The following TTLL5 variants were observed in gnomAD, a reference collection of about 807,000 sequenced individuals.
TTLL5 encodes tubulin polyglutamylase TTLL5.
Under a neutral mutation model 168.4 loss-of-function variants are expected in TTLL5, and 132 were observed. The observed-to-expected ratio is 0.78, with a 90% CI of 0.68 to 0.91. The LOEUF (loss-of-function observed/expected upper bound fraction) is 0.91. Among genes scored for constraint, TTLL5 ranks in the 40% least tolerant of loss-of-function variants. The pLI is 0.00. For synonymous variants in TTLL5, 546 were observed against 558.6 expected (o/e 0.98, Z 0.32); for missense variants, 1,545 against 1,581.5 (o/e 0.98, Z 0.39).
At chr14:75,713,085 C>T (rs1215343617) in intron 9 of TTLL5, among the ~76,000 whole-genome samples, 2 of 152,150 alleles carry the variant, frequency 1.3e-5, no homozygotes, top group Non-Finnish European at 2.9e-5. Flanking sequence ...GAGGGAGATA[C>T]AAGACTGACT....
Position 75,779,718 on chromosome 14 carries a change from A to G in TTLL5, c.2515+16A>G. Reference sequence around the variant, plus strand: ...GCAAAAGGTGGTAAGTATACTGGTTAATGAACGAAAAATAAGAAGAACAAG... The same window carrying G: ...GCAAAAGGTGGTAAGTATACTGGTTGATGAACGAAAAATAAGAAGAACAAG... On this transcript the variant is annotated intron_variant, in intron 24 of 31. Coordinates refer to ENST00000298832, the MANE Select transcript of TTLL5 (RefSeq NM_015072.5). 1.3e-6 allele frequency: 2 copies of G among 1,582,564 alleles called. No individual in the cohort carries two copies. The highest frequency in any genetic ancestry group is 1.7e-6 in the Non-Finnish European group (2 of 1,168,562).
intron 5 of TTLL5, among the ~76,000 whole-genome samples, chr14:75,688,089 A>G (rs1274151043): frequency 6.6e-6 from 1 of 152,160 alleles, no homozygotes; most frequent in Non-Finnish European, 1.5e-5. Context: ...GAATCTCCAG[A>G]GTGAGAAGTG....
chr14:75,709,481 C>T (rs1452301234), intron 9 of TTLL5: 1 of 371,392 alleles, frequency 2.7e-6, no homozygotes, highest in Non-Finnish European at 5.1e-6. Flanking sequence ...ACATTGGAGA[C>T]TACCAAAACT....
At chr14:75,840,183 G>A (rs1023256079) in intron 28 of TTLL5, among the ~76,000 whole-genome samples, 1 of 152,162 alleles carries the variant, frequency 6.6e-6, no homozygotes, top group Non-Finnish European at 1.5e-5. Flanking sequence ...TGTTCTAAGA[G>A]TTGTAATAGT....
chr14:75,832,898 CCTT>C (rs1486292206), intron 28 of TTLL5, among the ~76,000 whole-genome samples: 4 of 152,078 alleles, frequency 2.6e-5, no homozygotes, highest in East Asian at 1.9e-4. Flanking sequence ...CTTAAGTCTC[CCTT>C]CTTCTCCTAT....
chr14:75,794,683 C>T (rs1206155029), intron 27 of TTLL5, among the ~76,000 whole-genome samples: 1 of 152,172 alleles, frequency 6.6e-6, no homozygotes, highest in Non-Finnish European at 1.5e-5. Flanking sequence ...GGGATCTGAA[C>T]TTGCCATTAG....
chr14:75,713,525 T>A (rs1226430632), intron 9 of TTLL5, among the ~76,000 whole-genome samples: 1 of 152,224 alleles, frequency 6.6e-6, no homozygotes, highest in African/African-American at 2.4e-5. Flanking sequence ...TGTGCAAACT[T>A]GGTCCTGGGG....
At chr14:75,870,501 T>C (rs764040377) in intron 29 of TTLL5, among the ~76,000 whole-genome samples, 1 of 152,198 alleles carries the variant, frequency 6.6e-6, no homozygotes, top group Non-Finnish European at 1.5e-5. Context: ...CCTTGTACTT[T>C]TATTAAGTAA....
chr14:75,895,107 C>G (rs1365783949), intron 30 of TTLL5, among the ~76,000 whole-genome samples: 1 of 152,140 alleles, frequency 6.6e-6, no homozygotes, highest in Non-Finnish European at 1.5e-5. Context: ...ATAGAAAATA[C>G]ATTTTAGGGG....
At chr14:75,804,986 T>C (rs1001222405) in intron 27 of TTLL5, among the ~76,000 whole-genome samples, 1 of 152,154 alleles carries the variant, frequency 6.6e-6, no homozygotes, top group Non-Finnish European at 1.5e-5. Flanking sequence ...GCCACCCCTT[T>C]AAACTCATCT....
chr14:75,745,357 A>C, intron 16 of TTLL5, 133 bp from the exon 17 acceptor site: 2 of 1,204,418 alleles, frequency 1.7e-6, no homozygotes, highest in Non-Finnish European at 2.4e-6. Flanking sequence ...AGGGAAGAAC[A>C]TTTTAAATGG....
chr14:75,694,968 A>C lies in TTLL5; in HGVS notation c.503-4220A>C, dbSNP rs149872131. On this transcript the variant is annotated intron_variant, in intron 6 of 31. Coordinates refer to ENST00000298832, the MANE Select transcript of TTLL5 (RefSeq NM_015072.5). The stretch of plus-strand genomic sequence containing the variant: ...CAAATTGTTCGTAAAGCATGTGTTT[A>C]AACAATATGAAATCTGGGCACCTTG... 9.3e-3 allele frequency among the ~76,000 whole-genome samples: 1,424 copies of C among 152,324 alleles called. 29 individuals carry two copies. The highest frequency in any genetic ancestry group is 0.033 in the African/African-American group (1,353 of 41,578).
rs768493474 is a variant in TTLL5 at position 75,783,575 on chromosome 14, C to A, written c.2986+45C>A. The stretch of plus-strand genomic sequence containing the variant: ...ACAGTCCACAATGTGAGCTCCTCCC[C>A]AGCCCCAATAAAGAAAGGATGTCAT... On this transcript the variant is annotated intron_variant, in intron 26 of 31. Transcript: ENST00000298832. The A allele has an allele frequency of 2.5e-6, 4 of 1,580,296 alleles. No individual in the cohort carries two copies. The Admixed American group carries it at 5.4e-5, about 21-fold the overall frequency.
At chr14:75,852,487 C>A (rs1319034896) in intron 28 of TTLL5, among the ~76,000 whole-genome samples, 1 of 152,092 alleles carries the variant, frequency 6.6e-6, no homozygotes, top group Admixed American at 6.6e-5. Context: ...GACCTAGCAT[C>A]AAAAGTTCAC....
intron 9 of TTLL5, chr14:75,710,682 T>C (rs994633371): frequency 1.1e-4 from 16 of 152,230 alleles, no homozygotes; most frequent in Non-Finnish European, 5.9e-5. Flanking sequence ...AGTTCTTGTG[T>C]CTTCACTAAT....
intron 30 of TTLL5, among the ~76,000 whole-genome samples, chr14:75,895,727 A>C (rs987534936): frequency 6.6e-6 from 1 of 152,208 alleles, no homozygotes; most frequent in Non-Finnish European, 1.5e-5. Context: ...AGAAGGATTA[A>C]AAATAAGTGA....
At chr14:75,802,490 G>GA (rs1893379805) in intron 27 of TTLL5, among the ~76,000 whole-genome samples, 1 of 152,188 alleles carries the variant, frequency 6.6e-6, no homozygotes. Context: ...GGGTATTTCT[G>GA]AAAAATCATT....
chr14:75,914,866 G>A (rs978996903), intron 31 of TTLL5, among the ~76,000 whole-genome samples: 27 of 152,012 alleles, frequency 1.8e-4, no homozygotes, highest in African/African-American at 9.7e-5. Context: ...CTCGTGATCC[G>A]CCCACCTTGG....
chr14:75,856,812 A>G (rs1434727550), intron 28 of TTLL5, among the ~76,000 whole-genome samples: 10 of 151,932 alleles, frequency 6.6e-5, no homozygotes. Context: ...TTTTTAGTAG[A>G]GACATGGTTT....
Sources: allele counts gnomAD v4.1 joint callset (sites outside exome capture counted in the v4.1 genomes callset), GRCh38; gene constraint gnomAD v4.1.1; transcripts MANE v1.5; gene names NCBI Gene and HGNC (gene_info 2026-07-23, HGNC 2026-07-21).